The following MGAT4C variants were observed in gnomAD, a reference collection of about 807,000 sequenced individuals.
MGAT4C encodes the protein alpha-1,3-mannosyl-glycoprotein 4-beta-N-acetylglucosaminyltransferase C.
A neutral mutation model predicts 40.1 loss-of-function variants in MGAT4C; 19 were observed. The ratio of observed to expected loss-of-function variants is 0.47; its 90% CI spans 0.33 to 0.70. The LOEUF is 0.70. MGAT4C is among the 30% of genes least tolerant of loss of function. The probability of loss-of-function intolerance (pLI) is 0.02; values close to 1 mark genes in which losing one functional copy is unlikely to be tolerated. For synonymous variants in MGAT4C, 181 were observed against 187.1 expected (o/e 0.97, Z 0.27); for missense variants, 491 against 563.2 (o/e 0.87, Z 1.30).
intron 1 of MGAT4C, among the ~76,000 whole-genome samples, chr12:86,057,699 C>T (rs1014091258): frequency 9.9e-5 from 15 of 152,254 alleles, no homozygotes; most frequent in African/African-American, 1.4e-4. Context: ...ATCTACCCAA[C>T]GCTGTAACCT....
chr12:86,044,088 G>A (rs1008741753), intron 2 of MGAT4C, among the ~76,000 whole-genome samples: 1 of 152,122 alleles, frequency 6.6e-6, no homozygotes, highest in Non-Finnish European at 1.5e-5. Context: ...GTTTGATTGT[G>A]GTCTAAGGTG....
chr12:86,085,135 A>G (rs1871528316), intron 1 of MGAT4C, among the ~76,000 whole-genome samples: 1 of 151,802 alleles, frequency 6.6e-6, no homozygotes, highest in South Asian at 2.1e-4. Context: ...TATTTTTTAA[A>G]TGTTTTCTGT....
At chr12:86,424,345 T>C (rs1369754573) in intron 3 of MGAT4C, among the ~76,000 whole-genome samples, 1 of 152,232 alleles carries the variant, frequency 6.6e-6, no homozygotes, top group East Asian at 1.9e-4. Context: ...AAGTGCACTA[T>C]GCATCCTCCA....
At chr12:86,277,340 G>A (rs1003656294) in intron 4 of MGAT4C, among the ~76,000 whole-genome samples, 1 of 152,126 alleles carries the variant, frequency 6.6e-6, no homozygotes, top group South Asian at 2.1e-4. Flanking sequence ...CATTCATTGG[G>A]CTGTCTCCTC....
intron 1 of MGAT4C, among the ~76,000 whole-genome samples, chr12:86,204,819 T>A (rs1950188722): frequency 6.6e-6 from 1 of 152,048 alleles, no homozygotes; most frequent in South Asian, 2.1e-4. Context: ...AATAAATAAA[T>A]GCCATATGTG....
At position 86,582,557 on chromosome 12, in the gene MGAT4C, A is replaced by G. The variant is rs1415581453; in HGVS notation, c.-229+144652T>C. Among the ~76,000 whole-genome samples the G allele has an allele frequency of 2.0e-5, 3 of 151,390 alleles. No individual in the cohort carries two copies. The Admixed American group carries it at 2.0e-4, about 10-fold the overall frequency. ...CAGAAGTGTTACTGTAGTTGATTTG[A>G]TAGTTTAGTAGGATTTGGAATATTT... On this transcript the variant is annotated intron_variant, in intron 2 of 7. Transcript: ENST00000548651.
chr12:86,152,173 G>T (rs1884365261), intron 1 of MGAT4C, among the ~76,000 whole-genome samples: 1 of 152,192 alleles, frequency 6.6e-6, no homozygotes, highest in Non-Finnish European at 1.5e-5. Flanking sequence ...ACCCTATCAT[G>T]GTAAGTAAGC....
rs1023767903 is a variant in MGAT4C at position 86,568,712 on chromosome 12, A to G, written c.-228-133447T>C. Among the ~76,000 whole-genome samples the G allele has an allele frequency of 2.6e-5, 4 of 152,022 alleles. No individual in the cohort carries two copies. The East Asian group carries it at 7.7e-4, about 29-fold the overall frequency. ...GCTATGGTAACCAAAACAGCATGGT[A>G]TTGGTATAAAAACAGAAACATAGAC... On this transcript the variant is annotated intron_variant, in intron 2 of 7. Coordinates refer to the MGAT4C transcript ENST00000548651.
intron 1 of MGAT4C, among the ~76,000 whole-genome samples, chr12:86,775,293 T>G (rs1159967125): frequency 6.6e-6 from 1 of 152,042 alleles, no homozygotes; most frequent in Non-Finnish European, 1.5e-5. Flanking sequence ...TAAAGCCATG[T>G]GGATGAACAT....
chr12:86,077,187 A>T (rs985341157), intron 1 of MGAT4C, among the ~76,000 whole-genome samples: 1 of 152,178 alleles, frequency 6.6e-6, no homozygotes, highest in African/African-American at 2.4e-5. Flanking sequence ...GACACTCAGT[A>T]TTAACCATCA....
intron 2 of MGAT4C, among the ~76,000 whole-genome samples, chr12:86,498,386 C>A (rs1958279673): frequency 6.6e-6 from 1 of 151,626 alleles, no homozygotes; most frequent in Non-Finnish European, 1.5e-5. Flanking sequence ...AAAAAAACCA[C>A]AGGTGAACTG....
At chr12:86,041,531 T>A (rs1407006642) in intron 2 of MGAT4C, among the ~76,000 whole-genome samples, 4 of 152,186 alleles carry the variant, frequency 2.6e-5, no homozygotes, top group Admixed American at 2.6e-4. Flanking sequence ...TTTGTTCTCA[T>A]AAGTTTCAAA....
intron 2 of MGAT4C, among the ~76,000 whole-genome samples, chr12:86,534,438 C>T (rs961313337): frequency 1.3e-5 from 2 of 152,062 alleles, no homozygotes; most frequent in Admixed American, 1.3e-4. Flanking sequence ...CTTCTGTCCC[C>T]ATAAAATGTA....
At chr12:86,523,439 G>A (rs555534815) in intron 2 of MGAT4C, among the ~76,000 whole-genome samples, 1 of 152,164 alleles carries the variant, frequency 6.6e-6, no homozygotes, top group Non-Finnish European at 1.5e-5. Flanking sequence ...ATTTGATCAC[G>A]CTGTGATCTG....
intron 3 of MGAT4C, among the ~76,000 whole-genome samples, chr12:86,423,656 T>A (rs1956874157): frequency 6.6e-6 from 1 of 152,154 alleles, no homozygotes; most frequent in South Asian, 2.1e-4. Context: ...TGACTCATGG[T>A]AGAAAGAATT....
intron 1 of MGAT4C, among the ~76,000 whole-genome samples, chr12:86,730,864 G>A (rs1363723640): frequency 6.6e-6 from 1 of 151,982 alleles, no homozygotes; most frequent in Admixed American, 6.6e-5. Flanking sequence ...AACAACTATT[G>A]TTATATAATA....
intron 4 of MGAT4C, among the ~76,000 whole-genome samples, chr12:86,311,157 G>A (rs993141047): frequency 7.2e-5 from 11 of 152,128 alleles, no homozygotes; most frequent in Non-Finnish European, 1.5e-4. Flanking sequence ...GCTTCGTCAC[G>A]GTGCAAACAT....
intron 2 of MGAT4C, among the ~76,000 whole-genome samples, chr12:86,504,780 G>A (rs1369140873): frequency 4.6e-5 from 7 of 152,094 alleles, no homozygotes; most frequent in Middle Eastern, 3.4e-3. Flanking sequence ...TCCGCCTCCC[G>A]GGTTCAAGCA....
At chr12:86,399,431 G>A (rs1311105758) in intron 3 of MGAT4C, among the ~76,000 whole-genome samples, 5 of 150,990 alleles carry the variant, frequency 3.3e-5, no homozygotes, top group Admixed American at 2.0e-4. Context: ...ACAGGCGCCC[G>A]CCACCACACC....
Sources: gnomAD v4.1 joint callset for allele counts (sites outside exome capture counted in the v4.1 genomes callset) on GRCh38, gnomAD v4.1.1 for gene constraint, MANE v1.5 for transcripts, NCBI Gene and HGNC (gene_info 2026-07-23, HGNC 2026-07-21) for gene names.